Variants in CLEC16A observed in about 807,000 individuals in gnomAD.
CLEC16A encodes the protein protein CLEC16A.
CLEC16A carries 51 observed loss-of-function variants against 109.5 expected under a neutral mutation model. That is an observed-to-expected ratio of 0.47 (90% confidence interval 0.37 to 0.59). The LOEUF is 0.59. Ranked by LOEUF, CLEC16A falls within the 20% of genes least tolerant of loss-of-function variation. The pLI is 0.00. For missense variants in CLEC16A, 1,339 were observed against 1,394.0 expected (o/e 0.96, Z 0.63); for synonymous variants, 673 against 564.2 (o/e 1.19, Z -2.73).
chr16:11,043,079 TACACACAC>T (rs34014519), intron 15 of CLEC16A, among the ~76,000 whole-genome samples: 1 of 150,712 alleles, frequency 6.6e-6, no homozygotes, highest in Admixed American at 6.6e-5. Context: ...TGTATATATA[TACACACAC>T]ACACACACAT....
At chr16:11,130,200 G>A (rs547947491) in intron 22 of CLEC16A, among the ~76,000 whole-genome samples, 7 of 152,148 alleles carry the variant, frequency 4.6e-5, no homozygotes, top group South Asian at 2.1e-4. Context: ...GCATCTCAGC[G>A]CCTAGCTCTG....
chr16:10,997,093 C>T (rs1267846356), intron 10 of CLEC16A, among the ~76,000 whole-genome samples: 2 of 152,094 alleles, frequency 1.3e-5, no homozygotes, highest in Admixed American at 6.5e-5. Context: ...TCCCAAGTAG[C>T]TGGGACTGCA....
rs12149442 is a variant in CLEC16A, at chr16:10,954,310, A to G, written c.81-3472A>G. 2.4e-3 allele frequency among the ~76,000 whole-genome samples: 373 copies of G among 152,338 alleles called. No individual in the cohort carries two copies. The highest frequency in any genetic ancestry group is 4.8e-3 in the Non-Finnish European group (324 of 68,030). On this transcript the variant is annotated intron_variant, in intron 1 of 23. Transcript: ENST00000409790. This position sits in a 1 kb window ranked among gnomAD's most constrained non-coding sequence, Gnocchi z 4.2. ...AGGTTACTGTGAGTCTGTAGGTCAC[A>G]TGAAGCCCTCGCAGAGAACCAGGCA...
intron 22 of CLEC16A, among the ~76,000 whole-genome samples, chr16:11,137,846 T>A (rs1567378105): frequency 6.6e-6 from 1 of 152,068 alleles, no homozygotes; most frequent in East Asian, 1.9e-4. Context: ...TATTGCCGAG[T>A]GCACAGTTGG....
intron 19 of CLEC16A, among the ~76,000 whole-genome samples, chr16:11,109,525 A>C (rs1361272840): frequency 6.6e-6 from 1 of 152,168 alleles, no homozygotes; most frequent in African/African-American, 2.4e-5. Flanking sequence ...ACTCCGGTGA[A>C]AGCCAGCAAT....
At chr16:11,010,666 C>G (rs761391648) in intron 11 of CLEC16A, among the ~76,000 whole-genome samples, 14 of 152,196 alleles carry the variant, frequency 9.2e-5, no homozygotes, top group Non-Finnish European at 1.8e-4. Flanking sequence ...GCACAGCTGT[C>G]AAATTCATAG....
intron 15 of CLEC16A, among the ~76,000 whole-genome samples, chr16:11,043,156 T>C (rs746316887): frequency 1.8e-4 from 27 of 152,158 alleles, no homozygotes; most frequent in Admixed American, 3.9e-4. Flanking sequence ...CAGTGGCTCA[T>C]GCATGTAATT....
At position 11,044,035 on chromosome 16, in the gene CLEC16A, G is replaced by A. The variant is rs1417862423; in HGVS notation, c.1778G>A (p.Arg593Lys). 1.2e-6 allele frequency: 2 copies of A among 1,608,652 alleles called. No individual in the cohort carries two copies. The highest frequency in any genetic ancestry group is 1.7e-6 in the Non-Finnish European group (2 of 1,176,684). ...DVHLACLEGA[R>K]EESVHLVRHF... is the part of the protein sequence containing the mutation. ...TTCCTTCTCTTTTAACAGGGTGCGA[G>A]AGAAGAAAGTGTTCACCTTGTACGA... is the stretch of plus-strand genomic sequence containing the variant. Residue 593 changes from arginine to lysine, a missense_variant, in exon 16 of 24, where the codon AGA becomes AAA. Transcript: ENST00000409790.
intron 22 of CLEC16A, among the ~76,000 whole-genome samples, chr16:11,132,876 G>A (rs531456657): frequency 3.7e-4 from 56 of 152,228 alleles, no homozygotes; most frequent in African/African-American, 1.3e-3. Flanking sequence ...GGGGACAGAG[G>A]ATGGGGCTGG....
Position 11,123,934 on chromosome 16 carries a change from C to G in CLEC16A, c.2461C>G (p.Gln821Glu). ...CATCCAGGCAAGGCGCATGAAGATGCAGAGAATAGCTGGTGAGTGGCTGGA... is the reference window on the plus strand; with the variant it reads ...CATCCAGGCAAGGCGCATGAAGATGGAGAGAATAGCTGGTGAGTGGCTGGA... ...GRIQARRMKMQRIAALLDLPI... is the reference protein window; with the variant it reads ...GRIQARRMKMERIAALLDLPI... The change falls in exon 21 of 24, where the codon CAG becomes GAG. Residue 821 changes from glutamine to glutamate, a missense_variant. Gln to Glu is a conservative substitution (Grantham distance 29). Transcript: ENST00000409790. 6.2e-7 allele frequency: 1 copy of G among 1,608,794 alleles called. No homozygotes were observed. Among genetic ancestry groups the G allele is most frequent in the Non-Finnish European group, 8.5e-7 (1 of 1,177,694 alleles).
intron 22 of CLEC16A, among the ~76,000 whole-genome samples, chr16:11,139,348 A>C (rs908232220): frequency 6.6e-6 from 1 of 152,194 alleles, no homozygotes; most frequent in Non-Finnish European, 1.5e-5. Context: ...TTTTCTCTCT[A>C]TAACCAGAAT....
chr16:11,117,978 C>G (rs1433610661), intron 19 of CLEC16A, among the ~76,000 whole-genome samples: 2 of 150,786 alleles, frequency 1.3e-5, no homozygotes, highest in Non-Finnish European at 3.0e-5. Context: ...TTTTTCTTTT[C>G]TTTTCTTTTT....
chr16:11,001,246 C>T (rs2152748330), intron 10 of CLEC16A, among the ~76,000 whole-genome samples: 1 of 152,252 alleles, frequency 6.6e-6, no homozygotes, highest in South Asian at 2.1e-4. Context: ...CCACCATGCC[C>T]AGCTAATTTT....
chr16:11,170,963 T>G (rs916560045), intron 23 of CLEC16A, among the ~76,000 whole-genome samples: 1 of 152,182 alleles, frequency 6.6e-6, no homozygotes, highest in Non-Finnish European at 1.5e-5. Context: ...GGTGAGGCCC[T>G]GGTCCGTGAG....
At chr16:11,067,946 A>G (rs1289039672) in intron 19 of CLEC16A, among the ~76,000 whole-genome samples, 1 of 152,174 alleles carries the variant, frequency 6.6e-6, no homozygotes, top group African/African-American at 2.4e-5. Flanking sequence ...CTAATTATTA[A>G]CAACAACCCA....
At chr16:11,167,573 T>C (rs1347001833) in intron 23 of CLEC16A, among the ~76,000 whole-genome samples, 1 of 152,124 alleles carries the variant, frequency 6.6e-6, no homozygotes, top group African/African-American at 2.4e-5. Flanking sequence ...CACCTCTCTC[T>C]TGGGCACTTC....
intron 7 of CLEC16A, among the ~76,000 whole-genome samples, chr16:10,976,346 C>CTT (rs35062493): frequency 0.025 from 3,631 of 147,466 alleles, 63 homozygotes; most frequent in Non-Finnish European, 0.035. Context: ...CTTGTTTTTA[C>CTT]TTTTTTTTTT....
intron 18 of CLEC16A, among the ~76,000 whole-genome samples, chr16:11,052,039 G>A (rs944652288): frequency 2.6e-5 from 4 of 152,170 alleles, no homozygotes; most frequent in Admixed American, 6.5e-5. Flanking sequence ...GAGATAGTGC[G>A]ATGTTAAGGC....
At chr16:11,051,689 A>G in intron 18 of CLEC16A, 48 bp downstream of exon 18, 1 of 1,603,542 alleles carries the variant, frequency 6.2e-7, no homozygotes, top group Non-Finnish European at 8.5e-7. Context: ...GTTCTCCAGA[A>G]CCACTCCCAG....
Sources: gnomAD v4.1 joint callset for allele counts (sites outside exome capture counted in the v4.1 genomes callset) on GRCh38, gnomAD v4.1.1 for gene constraint, Gnocchi (gnomAD v3.1) non-coding constraint, MANE v1.5 for transcripts, NCBI Gene and HGNC (gene_info 2026-07-23, HGNC 2026-07-21) for gene names.